Variants in CHST11 observed in about 807,000 individuals in gnomAD.
The protein encoded by CHST11 is C4S-1.
Under a neutral mutation model 30.4 loss-of-function variants are expected in CHST11, and 9 were observed. The ratio of observed to expected loss-of-function variants is 0.30; its 90% CI spans 0.18 to 0.52. CHST11 has a LOEUF of 0.52. Among genes scored for constraint, CHST11 ranks in the 20% least tolerant of loss-of-function variants. CHST11 has a pLI of 0.97. For synonymous variants in CHST11, 152 were observed against 187.8 expected, an observed-to-expected ratio of 0.81 and a Z score of 1.56; for missense variants, 348 against 460.6, an observed-to-expected ratio of 0.76 and a Z score of 2.24.
At chr12:104,499,006 G>T (rs2037826973) in intron 1 of CHST11, among the ~76,000 whole-genome samples, 1 of 152,188 alleles carries the variant, frequency 6.6e-6, no homozygotes, top group Non-Finnish European at 1.5e-5. Context: ...AGAACTTTCA[G>T]TGGCTCACTA....
At chr12:104,544,174 G>GAAAGAAAGAA (rs1267496568) in intron 1 of CHST11, among the ~76,000 whole-genome samples, 2 of 134,666 alleles carry the variant, frequency 1.5e-5, no homozygotes, top group African/African-American at 5.4e-5. Flanking sequence ...AAGAAAGAAA[G>GAAAGAAAGAA]AAAGAAAGAC....
intron 1 of CHST11, among the ~76,000 whole-genome samples, chr12:104,510,879 A>T (rs1372964773): frequency 6.6e-6 from 1 of 151,832 alleles, no homozygotes; most frequent in African/African-American, 2.4e-5. Flanking sequence ...GATAGCTTGT[A>T]CTTTGAGGAA....
chr12:104,730,671 G>T (rs1470678199), intron 2 of CHST11, among the ~76,000 whole-genome samples: 1 of 152,176 alleles, frequency 6.6e-6, no homozygotes, highest in Non-Finnish European at 1.5e-5. Context: ...ATTCCAGGTG[G>T]AGGGAATGGC....
intron 2 of CHST11, among the ~76,000 whole-genome samples, chr12:104,749,597 C>CT (rs538677526): frequency 1.6e-3 from 238 of 152,302 alleles, no homozygotes; most frequent in Admixed American, 5.8e-3. Flanking sequence ...TGGGCATTCT[C>CT]TTTTACTATG....
At chr12:104,628,655 T>C (rs2039242702) in intron 2 of CHST11, among the ~76,000 whole-genome samples, 1 of 152,150 alleles carries the variant, frequency 6.6e-6, no homozygotes, top group Admixed American at 6.5e-5. Flanking sequence ...GGCCCCTCTA[T>C]TCCTTCCAGC....
chr12:104,717,886 G>T (rs552279790), intron 2 of CHST11, among the ~76,000 whole-genome samples: 1 of 152,222 alleles, frequency 6.6e-6, no homozygotes, highest in East Asian at 1.9e-4. Context: ...GGAGGCATAG[G>T]TTGCAGTGAG....
At chr12:104,644,984 A>G (rs1181694394) in intron 2 of CHST11, among the ~76,000 whole-genome samples, 2 of 152,016 alleles carry the variant, frequency 1.3e-5, no homozygotes, top group East Asian at 3.9e-4. Flanking sequence ...AGAGTCTTGC[A>G]CTGTCATCCA....
rs1400332625 is a variant in CHST11, at chr12:104,468,390, A to AG, written c.118+10867dup. Among the ~76,000 whole-genome samples, 22 of 152,298 alleles carry AG rather than the reference A, an allele frequency of 1.4e-4. 1 individual carries two copies. The highest frequency in any genetic ancestry group is 2.6e-4 in the Non-Finnish European group (18 of 68,026). On this transcript the variant is annotated intron_variant, in intron 1 of 2. Coordinates refer to ENST00000303694, the MANE Select transcript of CHST11 (RefSeq NM_018413.6). Reference sequence around the variant, plus strand: ...ACGCTATAATTACCACCATTTTACAAGGGGGGAAACTGAAGCATAGAGCAT... The same window carrying AG: ...ACGCTATAATTACCACCATTTTACAAGGGGGGGAAACTGAAGCATAGAGCAT...
At chr12:104,645,237 A>G (rs2559642) in intron 2 of CHST11, among the ~76,000 whole-genome samples, 77,230 of 152,052 alleles carry the variant, frequency 0.51, 19,640 homozygotes, top group East Asian at 0.54. Context: ...GTGAGCCACC[A>G]CGCCCGGCCT....
chr12:104,537,597 T>G (rs2038248887), intron 1 of CHST11, among the ~76,000 whole-genome samples: 1 of 152,188 alleles, frequency 6.6e-6, no homozygotes, highest in Non-Finnish European at 1.5e-5. Flanking sequence ...ACCCTTTTAA[T>G]GTATTTTTAA....
chr12:104,475,662 A>T (rs113643610), intron 1 of CHST11, among the ~76,000 whole-genome samples: 805 of 62,130 alleles, frequency 0.013, 25 homozygotes, highest in African/African-American at 0.054. Flanking sequence ...GCAGCATTAT[A>T]TATATATATA....
chr12:104,720,084 A>G (rs2040161750), intron 2 of CHST11, among the ~76,000 whole-genome samples: 1 of 152,234 alleles, frequency 6.6e-6, no homozygotes, highest in Admixed American at 6.5e-5. Flanking sequence ...TGTAAATTGA[A>G]TAAGTGGACT....
intron 1 of CHST11, among the ~76,000 whole-genome samples, chr12:104,545,887 A>G (rs1170385014): frequency 6.6e-6 from 1 of 151,978 alleles, no homozygotes; most frequent in Non-Finnish European, 1.5e-5. Flanking sequence ...ATGCAATGGT[A>G]TGATCTCAGC....
At chr12:104,717,142 C>T (rs1404465806) in intron 2 of CHST11, among the ~76,000 whole-genome samples, 1 of 152,214 alleles carries the variant, frequency 6.6e-6, no homozygotes, top group Non-Finnish European at 1.5e-5. Flanking sequence ...TGATTAGTAG[C>T]CTTAATTCCA....
chr12:104,722,546 G>A (rs1000045724), intron 2 of CHST11, among the ~76,000 whole-genome samples: 1 of 152,084 alleles, frequency 6.6e-6, no homozygotes, highest in African/African-American at 2.4e-5. Context: ...CTTTGCAGAC[G>A]TTCAAAAATG....
At chr12:104,525,145 G>C (rs11611979) in intron 1 of CHST11, among the ~76,000 whole-genome samples, 1 of 148,994 alleles carries the variant, frequency 6.7e-6, no homozygotes, top group African/African-American at 2.5e-5. Flanking sequence ...CAGTTACATA[G>C]GCTGGAATGC....
chr12:104,500,611 A>C (rs192171395), intron 1 of CHST11, among the ~76,000 whole-genome samples: 1 of 152,334 alleles, frequency 6.6e-6, no homozygotes, highest in Non-Finnish European at 1.5e-5. Flanking sequence ...ATTTGTGAAC[A>C]CAGTGCTCTG....
chr12:104,601,863 C>A, intron 1 of CHST11, 43 bp from the exon 2 acceptor site: 1 of 1,492,718 alleles, frequency 6.7e-7, no homozygotes, highest in Non-Finnish European at 9.3e-7. Flanking sequence ...GACAACAAAT[C>A]TTTGTTGCTC....
At chr12:104,673,352 A>G (rs890156531) in intron 2 of CHST11, among the ~76,000 whole-genome samples, 1 of 152,158 alleles carries the variant, frequency 6.6e-6, no homozygotes, top group Non-Finnish European at 1.5e-5. Context: ...ACATGGATTA[A>G]CACTGACTTG....
Sources: gnomAD v4.1 joint callset for allele counts (sites outside exome capture counted in the v4.1 genomes callset) on GRCh38, gnomAD v4.1.1 for gene constraint, MANE v1.5 for transcripts, NCBI Gene and HGNC (gene_info 2026-07-23, HGNC 2026-07-21) for gene names.